The following MAN2A1 variants were observed in gnomAD, a reference collection of about 807,000 sequenced individuals.
MAN2A1 encodes the protein mannosidase alpha class 2A member 1, also known as alpha-mannosidase 2.
In MAN2A1, 76 loss-of-function variants were observed where a neutral mutation model predicts 142.6. The ratio of observed to expected loss-of-function variants is 0.53; its 90% CI spans 0.44 to 0.65. The LOEUF is 0.65. Ranked by LOEUF, MAN2A1 falls within the 30% of genes least tolerant of loss-of-function variation. The pLI is 0.00. For synonymous variants in MAN2A1, 559 were observed against 473.2 expected, an observed-to-expected ratio of 1.18 and a Z score of -2.35; for missense variants, 1,311 against 1,365.1, an observed-to-expected ratio of 0.96 and a Z score of 0.62.
chr5:109,828,713 G>T (rs1432666730), intron 16 of MAN2A1, among the ~76,000 whole-genome samples: 1 of 152,160 alleles, frequency 6.6e-6, no homozygotes, highest in Non-Finnish European at 1.5e-5. Context: ...CATCTTAAAT[G>T]CAATACTTCT....
At chr5:109,708,062 A>G (rs901328082) in intron 1 of MAN2A1, among the ~76,000 whole-genome samples, 2 of 152,118 alleles carry the variant, frequency 1.3e-5, no homozygotes, top group African/African-American at 4.8e-5. Context: ...TAGAGAGGTA[A>G]GAGGCTCAAG....
chr5:109,816,448 T>TC (rs1754464151), intron 12 of MAN2A1, among the ~76,000 whole-genome samples: 1 of 152,306 alleles, frequency 6.6e-6, no homozygotes, highest in East Asian at 1.9e-4. Flanking sequence ...ATTTTTTTTT[T>TC]CACCATTACT....
intron 16 of MAN2A1, among the ~76,000 whole-genome samples, chr5:109,826,833 T>G (rs150555940): frequency 6.6e-6 from 1 of 152,378 alleles, no homozygotes; most frequent in Non-Finnish European, 1.5e-5. Context: ...ACTGGAAAGT[T>G]GTTTAACATT....
At chr5:109,817,139 C>A (rs1418865795) in intron 12 of MAN2A1, 134 bp from the exon 13 acceptor site, 8 of 821,436 alleles carry the variant, frequency 9.7e-6, no homozygotes, top group African/African-American at 1.7e-5. Flanking sequence ...GCACTCCAGC[C>A]TGGGTGACAG....
chr5:109,867,673 G>T lies in MAN2A1; in HGVS notation c.*675G>T, dbSNP rs1378840385. The T allele has an allele frequency of 6.6e-6, 1 of 152,522 alleles. No homozygotes were observed. Among genetic ancestry groups the T allele is most frequent in the East Asian group, 1.9e-4 (1 of 5,186 alleles). The allele number at this position is 152,522 out of a possible 1,614,324, so 9.4% of individuals were successfully genotyped here. A position where few individuals can be genotyped will look rare whatever the true frequency, so the allele number is the denominator to read the frequency against. On this transcript the variant is annotated 3_prime_UTR_variant, in exon 22 of 22. Coordinates refer to ENST00000261483, the MANE Select transcript of MAN2A1 (RefSeq NM_002372.4). ...ATATTTTCATTACTTGACAATGTGG[G>T]ATGGGTGCAATTTATTCCATCTTCA...
At chr5:109,729,941 A>T (rs946898515) in intron 4 of MAN2A1, among the ~76,000 whole-genome samples, 1 of 152,154 alleles carries the variant, frequency 6.6e-6, no homozygotes, top group Admixed American at 6.6e-5. Flanking sequence ...GTAGTGAGCC[A>T]ATATAGTGCC....
chr5:109,700,833 T>A (rs913685316), intron 1 of MAN2A1, among the ~76,000 whole-genome samples: 3 of 152,214 alleles, frequency 2.0e-5, no homozygotes, highest in Non-Finnish European at 2.9e-5. Context: ...CACTGTACTA[T>A]ACCCATATCC....
In MAN2A1 at chr5:109,807,742, G is replaced by T. The variant is rs143842590; in HGVS notation, c.1944-9531G>T. Among the ~76,000 whole-genome samples, 59 of 152,238 alleles carry T rather than the reference G, an allele frequency of 3.9e-4. 1 individual carries two copies. The East Asian group carries it at 0.011, about 28-fold the overall frequency. On this transcript the variant is annotated intron_variant, in intron 12 of 21. Coordinates refer to ENST00000261483, the MANE Select transcript of MAN2A1 (RefSeq NM_002372.4). ...TGCAAAGTCTTTTCTGCCATATAAG[G>T]TAGCATTCATAGGTTATGGAATTAG...
At chr5:109,712,459 T>C (rs1042179600) in intron 1 of MAN2A1, among the ~76,000 whole-genome samples, 3 of 152,232 alleles carry the variant, frequency 2.0e-5, no homozygotes, top group Non-Finnish European at 1.5e-5. Flanking sequence ...TCCATGATAA[T>C]GAATCTATCG....
At chr5:109,771,471 T>A (rs1049385710) in intron 7 of MAN2A1, among the ~76,000 whole-genome samples, 3 of 152,050 alleles carry the variant, frequency 2.0e-5, no homozygotes, top group South Asian at 2.1e-4. Context: ...GACATGAAGG[T>A]GTTTTAGCAT....
At chr5:109,731,763 G>A (rs867982690) in intron 4 of MAN2A1, among the ~76,000 whole-genome samples, 93 of 151,778 alleles carry the variant, frequency 6.1e-4, no homozygotes, top group African/African-American at 2.1e-3. Flanking sequence ...GTCTATCATT[G>A]TTGGACATTT....
In MAN2A1 at chr5:109,782,036, G is replaced by T. The variant is rs115995051; in HGVS notation, c.1577+438G>T. On this transcript the variant is annotated intron_variant, in intron 9 of 21. Coordinates refer to ENST00000261483, the MANE Select transcript of MAN2A1 (RefSeq NM_002372.4). ...CCAAACGTGAGCTTCAAAGTTCACA[G>T]TCCAAAACTAATGTATTTTGTATGT... 1.4e-3 allele frequency among the ~76,000 whole-genome samples: 211 copies of T among 152,300 alleles called. 1 individual carries two copies. The highest frequency in any genetic ancestry group is 4.8e-3 in the African/African-American group (201 of 41,576).
At position 109,847,728 on chromosome 5, in the gene MAN2A1, G is replaced by T; in HGVS notation, c.2914G>T (p.Asp972Tyr). 6.2e-7 allele frequency: 1 copy of T among 1,601,718 alleles called. No homozygotes were observed. Among genetic ancestry groups the T allele is most frequent in the Non-Finnish European group, 8.5e-7 (1 of 1,174,484 alleles). ...DNRGLEQGIQ[D>Y]NKITANLFRI... ...TCGTGGCCTTGAGCAAGGTATCCAG[G>T]ATAACAAGATTACAGCTAATCTATT... Residue 972 changes from aspartate to tyrosine, a missense_variant, in exon 19 of 22, where the codon GAT becomes TAT. Asp to Tyr is a radical substitution (Grantham distance 160). Transcript: ENST00000261483.
At chr5:109,817,169 AATAT>A (rs1361717135) in intron 12 of MAN2A1, 100 bp from the exon 13 acceptor site, 4 of 1,004,742 alleles carry the variant, frequency 4.0e-6, no homozygotes, top group Non-Finnish European at 1.4e-6. Flanking sequence ...CTATCTCAAA[AATAT>A]ATATGTATAT....
At position 109,842,377 on chromosome 5, in the gene MAN2A1, A is replaced by C; in HGVS notation, c.2616A>C (p.Lys872Asn). 6.3e-7 allele frequency: 1 copy of C among 1,593,764 alleles called. No homozygotes were observed. The highest frequency in any genetic ancestry group is 8.6e-7 in the Non-Finnish European group (1 of 1,164,600). ...VEVSNIVDIR[K>N]VYNREIAMKI... The stretch of plus-strand genomic sequence containing the variant: ...TTTCCAATATTGTGGACATCCGAAA[A>C]GTATATAACCGTGAGATTGCAATGA... Residue 872 changes from lysine to asparagine, a missense_variant, in exon 17 of 22, where the codon AAA becomes AAC. Around this residue, in one of 3 missense-constraint regions of MAN2A1, gnomAD observed 890 missense variants for 920.5 expected, o/e 0.97. Coordinates refer to ENST00000261483, the MANE Select transcript of MAN2A1 (RefSeq NM_002372.4).
At chr5:109,733,703 G>T (rs921524999) in intron 4 of MAN2A1, among the ~76,000 whole-genome samples, 4 of 152,058 alleles carry the variant, frequency 2.6e-5, no homozygotes, top group South Asian at 4.1e-4. Flanking sequence ...TGCATCCCAG[G>T]GATGAAGCCC....
At chr5:109,782,698 A>G (rs1382738456) in intron 9 of MAN2A1, among the ~76,000 whole-genome samples, 1 of 152,146 alleles carries the variant, frequency 6.6e-6, no homozygotes, top group Admixed American at 6.5e-5. Context: ...TTGTGCTGCT[A>G]TTAAATACTA....
intron 1 of MAN2A1, among the ~76,000 whole-genome samples, chr5:109,702,790 T>C (rs1049724587): frequency 3.3e-5 from 5 of 152,258 alleles, no homozygotes; most frequent in African/African-American, 1.2e-4. Flanking sequence ...TGTATTTTTA[T>C]GTATTATGTT....
chr5:109,772,609 C>G (rs960371093), intron 7 of MAN2A1, among the ~76,000 whole-genome samples: 1 of 152,060 alleles, frequency 6.6e-6, no homozygotes, highest in African/African-American at 2.4e-5. Context: ...TGGGCTCATG[C>G]AATTCTCCCA....
Sources: allele counts gnomAD v4.1 joint callset (sites outside exome capture counted in the v4.1 genomes callset), GRCh38; gene constraint gnomAD v4.1.1; regional missense constraint gnomAD v4.1.1; transcripts MANE v1.5; gene names NCBI Gene and HGNC (gene_info 2026-07-23, HGNC 2026-07-21).